The following PDZK1 variants were observed in gnomAD, a reference collection of about 807,000 sequenced individuals.
PDZK1 encodes the protein PDZ domain containing 1.
Under a neutral mutation model 38.1 loss-of-function variants are expected in PDZK1, and 23 were observed. The observed-to-expected ratio is 0.60, with a 90% CI of 0.43 to 0.85. PDZK1 has a LOEUF of 0.85. Ranked by LOEUF, PDZK1 falls within the 40% of genes least tolerant of loss-of-function variation. PDZK1 has a pLI of 0.00. For synonymous variants in PDZK1, 98 were observed against 186.2 expected (o/e 0.53, Z 3.86); for missense variants, 297 against 504.3 (o/e 0.59, Z 3.94).
Position 145,671,385 on chromosome 1 carries a change from A to C in PDZK1, c.*51T>G. ...TTCCTTGAGAAAGGATTCCTATTAA[A>C]TACCCAGAAACAGCTATCAAATAAA... is the stretch of plus-strand genomic sequence containing the variant. On this transcript the variant is annotated 3_prime_UTR_variant, in exon 9 of 9. Transcript: ENST00000417171. 1 of 1,606,422 alleles carries C rather than the reference A, an allele frequency of 6.2e-7. No homozygotes were observed. Among genetic ancestry groups the C allele is most frequent in the Non-Finnish European group, 8.5e-7 (1 of 1,176,400 alleles).
intron 1 of PDZK1, among the ~76,000 whole-genome samples, chr1:145,697,234 G>A (rs1283215759): frequency 6.6e-6 from 1 of 152,000 alleles, no homozygotes; most frequent in Non-Finnish European, 1.5e-5. Flanking sequence ...GGCTGAGGCA[G>A]GAGAATCGCT....
intron 1 of PDZK1, among the ~76,000 whole-genome samples, chr1:145,690,078 A>G (rs1322881303): frequency 6.6e-6 from 1 of 152,200 alleles, no homozygotes; most frequent in Non-Finnish European, 1.5e-5. Flanking sequence ...ACCTTGGGAG[A>G]GCTAGGCAGC....
At chr1:145,705,155 A>G (rs1242258003) in intron 1 of PDZK1, among the ~76,000 whole-genome samples, 1 of 152,150 alleles carries the variant, frequency 6.6e-6, no homozygotes, top group Non-Finnish European at 1.5e-5. Context: ...CAATGGCACA[A>G]TCTTGGCTCA....
intron 1 of PDZK1, among the ~76,000 whole-genome samples, chr1:145,693,052 A>G (rs1655352139): frequency 6.6e-6 from 1 of 152,138 alleles, no homozygotes; most frequent in Admixed American, 6.5e-5. Context: ...GCTAGAGACC[A>G]GACAAAACAT....
At position 145,671,063 on chromosome 1, in the gene PDZK1, A is replaced by G. The variant is rs1652977806; in HGVS notation, c.*373T>C. ...AATTTTAATAGGCTTATCTGCTAAG[A>G]TGCTTTTATAAGCAGCTGTCACCTA... is the stretch of plus-strand genomic sequence containing the variant. On this transcript the variant is annotated 3_prime_UTR_variant, in exon 9 of 9. Coordinates refer to ENST00000417171, the MANE Select transcript of PDZK1 (RefSeq NM_001201325.2). 5.1e-6 allele frequency: 1 copy of G among 196,576 alleles called. No individual in the cohort carries two copies. The highest frequency in any genetic ancestry group is 8.0e-5 in the South Asian group (1 of 12,492). The allele number at this position is 196,576 out of a possible 1,614,324, so 12.2% of individuals were successfully genotyped here. A position where few individuals can be genotyped will look rare whatever the true frequency, so the allele number is the denominator to read the frequency against.
At chr1:145,676,718 A>G (rs1482146589) in intron 6 of PDZK1, among the ~76,000 whole-genome samples, 6 of 147,442 alleles carry the variant, frequency 4.1e-5, no homozygotes, top group African/African-American at 1.0e-4. Flanking sequence ...GAGCAAGACA[A>G]CGTCTCAAAA....
chr1:145,706,888 C>T (rs587753983), intron 1 of PDZK1, among the ~76,000 whole-genome samples: 7 of 151,960 alleles, frequency 4.6e-5, no homozygotes, highest in African/African-American at 1.7e-4. Flanking sequence ...CTAAGTTAGG[C>T]TGCATCCTTT....
chr1:145,693,961 C>CA (rs1191774095), intron 1 of PDZK1, among the ~76,000 whole-genome samples: 1 of 152,136 alleles, frequency 6.6e-6, no homozygotes, highest in African/African-American at 2.4e-5. Flanking sequence ...CCCTTGGTCA[C>CA]ACCGTGCAGT....
In PDZK1 at chr1:145,704,503, G is replaced by A; in HGVS notation, c.-3+2814C>T. Among the ~76,000 whole-genome samples the A allele has an allele frequency of 2.6e-5, 4 of 152,302 alleles. No homozygotes were observed. The Middle Eastern group carries it at 0.014, about 518-fold the overall frequency. On this transcript the variant is annotated intron_variant, in intron 1 of 8. Transcript: ENST00000417171. ...TCTCAATAGCACTTAAGATGTGCTAGACACTATGTGCATTCATTTAACCCT... is the reference window on the plus strand; with the variant it reads ...TCTCAATAGCACTTAAGATGTGCTAAACACTATGTGCATTCATTTAACCCT...
intron 5 of PDZK1, among the ~76,000 whole-genome samples, chr1:145,679,308 C>T (rs1654013669): frequency 6.6e-6 from 1 of 152,018 alleles, no homozygotes; most frequent in Admixed American, 6.5e-5. Flanking sequence ...TCCCAAAGCC[C>T]CTCCTCTTGG....
chr1:145,706,240 A>C (rs1459629747), intron 1 of PDZK1, among the ~76,000 whole-genome samples: 1 of 152,184 alleles, frequency 6.6e-6, no homozygotes, highest in Non-Finnish European at 1.5e-5. Flanking sequence ...CCTGGGGGAG[A>C]AGTAGCTGCC....
At position 145,685,889 on chromosome 1, in the gene PDZK1, A is replaced by T. The variant is rs868977561; in HGVS notation, c.460+588T>A. On this transcript the variant is annotated intron_variant, in intron 3 of 8. Coordinates refer to ENST00000417171, the MANE Select transcript of PDZK1 (RefSeq NM_001201325.2). ...TGTACCTCTTAGCCAGAGCTCAAAGATGCGCCTCAGAACAGGTGGGGCTGA... is the reference window on the plus strand; with the variant it reads ...TGTACCTCTTAGCCAGAGCTCAAAGTTGCGCCTCAGAACAGGTGGGGCTGA... Among the ~76,000 whole-genome samples the T allele has an allele frequency of 1.3e-4, 20 of 152,288 alleles. 1 individual carries two copies. The highest frequency in any genetic ancestry group is 6.8e-3 in the Middle Eastern group (2 of 294).
intron 1 of PDZK1, among the ~76,000 whole-genome samples, chr1:145,689,505 T>G (rs1655066224): frequency 6.6e-6 from 1 of 152,100 alleles, no homozygotes; most frequent in Admixed American, 6.5e-5. Flanking sequence ...ACACAGTTAT[T>G]ATTAAGGGTA....
At chr1:145,689,209 G>A (rs1200219266) in intron 1 of PDZK1, among the ~76,000 whole-genome samples, 3 of 152,166 alleles carry the variant, frequency 2.0e-5, no homozygotes, top group Non-Finnish European at 2.9e-5. Flanking sequence ...TCAGCCTCCT[G>A]AATAGCTGGA....
intron 5 of PDZK1, among the ~76,000 whole-genome samples, chr1:145,679,925 G>A (rs1437178598): frequency 1.3e-5 from 2 of 152,154 alleles, no homozygotes; most frequent in African/African-American, 2.4e-5. Flanking sequence ...ATTAAACTGT[G>A]CCAGTGTCTC....
chr1:145,689,702 C>G (rs1196625342), intron 1 of PDZK1, among the ~76,000 whole-genome samples: 7 of 152,168 alleles, frequency 4.6e-5, no homozygotes, highest in Non-Finnish European at 8.8e-5. Context: ...AGTTCCCTAC[C>G]TACAAATCAG....
At chr1:145,683,342 C>T (rs1342991179) in intron 3 of PDZK1, among the ~76,000 whole-genome samples, 1 of 152,228 alleles carries the variant, frequency 6.6e-6, no homozygotes, top group African/African-American at 2.4e-5. Context: ...AACCAGAAAG[C>T]GCTAAAACAT....
intron 1 of PDZK1, among the ~76,000 whole-genome samples, chr1:145,693,619 A>C (rs889381040): frequency 6.6e-6 from 1 of 151,970 alleles, no homozygotes; most frequent in Non-Finnish European, 1.5e-5. Flanking sequence ...CTAAAAATAC[A>C]AAAAATTAGC....
At chr1:145,699,200 T>C (rs1003545544) in intron 1 of PDZK1, among the ~76,000 whole-genome samples, 1 of 152,004 alleles carries the variant, frequency 6.6e-6, no homozygotes, top group Non-Finnish European at 1.5e-5. Context: ...ATCACGCCAT[T>C]ACACTCCAGC....
Sources: allele counts gnomAD v4.1 joint callset (sites outside exome capture counted in the v4.1 genomes callset), GRCh38; gene constraint gnomAD v4.1.1; transcripts MANE v1.5; gene names NCBI Gene and HGNC (gene_info 2026-07-23, HGNC 2026-07-21).